ATG7: variants seen among roughly 807,000 people sequenced by gnomAD.
The protein encoded by ATG7 is autophagy related 7.
A neutral mutation model predicts 82.4 loss-of-function variants in ATG7; 70 were observed. That is an observed-to-expected ratio of 0.85 (90% confidence interval 0.70 to 1.04). The LOEUF (loss-of-function observed/expected upper bound fraction) is 1.04. ATG7 is among the 50% of genes least tolerant of loss of function. The pLI, the probability that ATG7 is intolerant of heterozygous loss-of-function variation, is 0.00. For synonymous variants in ATG7, 287 were observed against 313.0 expected (o/e 0.92, Z 0.88); for missense variants, 792 against 864.3 (o/e 0.92, Z 1.05).
chr3:11,484,907 T>C (rs539806587), intron 20 of ATG7, among the ~76,000 whole-genome samples: 6 of 152,292 alleles, frequency 3.9e-5, no homozygotes, highest in African/African-American at 1.4e-4. Flanking sequence ...TATTCCATGG[T>C]GTATATGTGC....
chr3:11,476,841 T>C (rs2088303293), intron 20 of ATG7, among the ~76,000 whole-genome samples: 1 of 152,224 alleles, frequency 6.6e-6, no homozygotes, highest in South Asian at 2.1e-4. Flanking sequence ...GTAGTAACTT[T>C]TGATCAAAAC....
At chr3:11,334,804 A>T (rs1952163105) in intron 11 of ATG7, among the ~76,000 whole-genome samples, 1 of 151,656 alleles carries the variant, frequency 6.6e-6, no homozygotes, top group Admixed American at 6.6e-5. Context: ...CTAAAAATAC[A>T]AAAATGAGCT....
chr3:11,435,130 T>C (rs533375677), intron 20 of ATG7, among the ~76,000 whole-genome samples: 1 of 152,352 alleles, frequency 6.6e-6, no homozygotes, highest in South Asian at 2.1e-4. Flanking sequence ...TTTAAAAATA[T>C]ATCAAAGTAC....
chr3:11,328,951 G>A lies in ATG7; in HGVS notation c.679-2389G>A, dbSNP rs550435971. 3.9e-5 allele frequency among the ~76,000 whole-genome samples: 6 copies of A among 152,242 alleles called. No homozygotes were observed. In the South Asian group the frequency reaches 1.0e-3, roughly 26 times the overall value. ...AAAAAATACAAAAAATTAGCAGGGCGTGGTAACACATGCCTGTCTGTAGTC... is the reference window on the plus strand; with the variant it reads ...AAAAAATACAAAAAATTAGCAGGGCATGGTAACACATGCCTGTCTGTAGTC... On this transcript the variant is annotated intron_variant, in intron 9 of 20. Coordinates refer to ENST00000693202, the MANE Select transcript of ATG7 (RefSeq NM_001349232.2).
At chr3:11,421,075 T>C (rs572287603) in intron 19 of ATG7, among the ~76,000 whole-genome samples, 24 of 152,236 alleles carry the variant, frequency 1.6e-4, no homozygotes, top group Non-Finnish European at 3.2e-4. Context: ...TTTTTTTTGC[T>C]AAAAAATGCT....
Position 11,323,492 on chromosome 3 carries a change from G to A in ATG7, c.679-7848G>A, listed in dbSNP as rs150601005. On this transcript the variant is annotated intron_variant, in intron 9 of 20. Transcript: ENST00000693202. Reference sequence around the variant, plus strand: ...TCAATGAAATGTGGATTCCACAGTCGCACTCCATTGCTACAACAGATCACC... The same window carrying A: ...TCAATGAAATGTGGATTCCACAGTCACACTCCATTGCTACAACAGATCACC... 5.3e-3 allele frequency among the ~76,000 whole-genome samples: 801 copies of A among 152,252 alleles called. 6 individuals are homozygous for A. Among genetic ancestry groups the A allele is most frequent in the Non-Finnish European group, 5.7e-3 (390 of 68,024 alleles).
chr3:11,573,397 A>G, the ATG7 span, among the ~76,000 whole-genome samples: 1 of 150,744 alleles, frequency 6.6e-6, no homozygotes, highest in African/African-American at 2.4e-5. Context: ...GAAAGAAAGA[A>G]AATGGCCCCA....
chr3:11,523,477 TC>T (rs2092494330), intron 20 of ATG7, among the ~76,000 whole-genome samples: 1 of 152,210 alleles, frequency 6.6e-6, no homozygotes, highest in African/African-American at 2.4e-5. Context: ...AACCCATTCT[TC>T]CTTTAGGCAG....
chr3:11,360,227 A>C (rs979495201), intron 15 of ATG7, among the ~76,000 whole-genome samples: 1 of 152,080 alleles, frequency 6.6e-6, no homozygotes, highest in Non-Finnish European at 1.5e-5. Context: ...TTGTATTTTT[A>C]ATAGAGACAG....
chr3:11,474,759 A>G (rs560805033), intron 20 of ATG7, among the ~76,000 whole-genome samples: 1 of 152,302 alleles, frequency 6.6e-6, no homozygotes, highest in South Asian at 2.1e-4. Flanking sequence ...GAATGCAAAG[A>G]AAGGAGCCAG....
chr3:11,274,979 C>G (rs1176866937), intron 1 of ATG7, among the ~76,000 whole-genome samples: 1 of 151,672 alleles, frequency 6.6e-6, no homozygotes, highest in African/African-American at 2.4e-5. Flanking sequence ...TTACACTGGA[C>G]AGAAAAAGAC....
chr3:11,360,807 C>G, intron 16 of ATG7, 23 bp downstream of exon 16: 1 of 1,612,334 alleles, frequency 6.2e-7, no homozygotes, highest in Non-Finnish European at 8.5e-7. Context: ...CTCTATAGTT[C>G]CAAATATTTC....
At chr3:11,364,856 T>C in intron 18 of ATG7, 122 bp downstream of exon 18, 1 of 1,011,594 alleles carries the variant, frequency 9.9e-7, no homozygotes, top group Non-Finnish European at 1.5e-6. Flanking sequence ...GCAGCTGGGA[T>C]TTCAATGGGA....
chr3:11,353,474 A>G (rs969049279), intron 14 of ATG7, among the ~76,000 whole-genome samples: 1 of 152,148 alleles, frequency 6.6e-6, no homozygotes, highest in Non-Finnish European at 1.5e-5. Flanking sequence ...TTAAATTTTG[A>G]AATAGTAAAT....
chr3:11,505,064 A>C (rs958927390), intron 20 of ATG7, among the ~76,000 whole-genome samples: 1 of 152,208 alleles, frequency 6.6e-6, no homozygotes, highest in Non-Finnish European at 1.5e-5. Flanking sequence ...GAGGTAACTA[A>C]AAGTATCAGG....
chr3:11,387,202 A>T (rs1032949273), intron 19 of ATG7, among the ~76,000 whole-genome samples: 7 of 152,204 alleles, frequency 4.6e-5, no homozygotes, highest in African/African-American at 1.7e-4. Flanking sequence ...GAGGGATTGA[A>T]TCAGGGATTT....
At chr3:11,496,545 C>G (rs2090848603) in intron 20 of ATG7, among the ~76,000 whole-genome samples, 1 of 152,174 alleles carries the variant, frequency 6.6e-6, no homozygotes, top group Non-Finnish European at 1.5e-5. Flanking sequence ...CTCGCTGGAC[C>G]AGTGCATTAG....
chr3:11,368,322 G>A (rs764592595), intron 18 of ATG7, among the ~76,000 whole-genome samples: 1 of 151,390 alleles, frequency 6.6e-6, no homozygotes, highest in Non-Finnish European at 1.5e-5. Flanking sequence ...TGCAAGGCCA[G>A]ATCCTTTTTC....
chr3:11,477,970 G>A (rs1559706867), intron 20 of ATG7, among the ~76,000 whole-genome samples: 1 of 152,126 alleles, frequency 6.6e-6, no homozygotes. Flanking sequence ...CCTTTCATAA[G>A]TCAGTCTCGG....
Sources: allele counts gnomAD v4.1 joint callset (sites outside exome capture counted in the v4.1 genomes callset), GRCh38; gene constraint gnomAD v4.1.1; transcripts MANE v1.5; gene names NCBI Gene and HGNC (gene_info 2026-07-23, HGNC 2026-07-21).